The following SPOCK3 variants were observed in gnomAD, a reference collection of about 807,000 sequenced individuals.
SPOCK3 encodes testican-3.
A neutral mutation model predicts 56.6 loss-of-function variants in SPOCK3; 30 were observed. The observed-to-expected ratio is 0.53, with a 90% CI of 0.40 to 0.72. The LOEUF (loss-of-function observed/expected upper bound fraction) is 0.72, where lower values mean the gene tolerates loss of function less well. Ranked by LOEUF, SPOCK3 falls within the 30% of genes least tolerant of loss-of-function variation. The probability of loss-of-function intolerance (pLI) is 0.00; values close to 1 mark genes in which losing one functional copy is unlikely to be tolerated. For synonymous variants in SPOCK3, 196 were observed against 183.3 expected, an observed-to-expected ratio of 1.07 and a Z score of -0.56; for missense variants, 527 against 530.0, an observed-to-expected ratio of 0.99 and a Z score of 0.06.
chr4:167,001,379 A>C (rs536993586), intron 3 of SPOCK3, among the ~76,000 whole-genome samples: 1 of 152,314 alleles, frequency 6.6e-6, no homozygotes, highest in Non-Finnish European at 1.5e-5. Context: ...ATTGAATGTT[A>C]AAATTTGTGG....
intron 5 of SPOCK3, among the ~76,000 whole-genome samples, chr4:166,892,750 T>C (rs1451978565): frequency 6.6e-6 from 1 of 152,092 alleles, no homozygotes; most frequent in Non-Finnish European, 1.5e-5. Context: ...ATCACTTAAG[T>C]TACGAGTTCT....
At chr4:167,090,706 T>C (rs1157571747) in intron 2 of SPOCK3, among the ~76,000 whole-genome samples, 3 of 152,144 alleles carry the variant, frequency 2.0e-5, no homozygotes, top group Non-Finnish European at 4.4e-5. Context: ...TTTCTCCATG[T>C]TGGTCAGGCT....
At chr4:166,962,932 G>C (rs1426850292) in intron 4 of SPOCK3, among the ~76,000 whole-genome samples, 4 of 151,918 alleles carry the variant, frequency 2.6e-5, no homozygotes, top group Non-Finnish European at 5.9e-5. Context: ...ACCACAACAT[G>C]GTCAGTTCAA....
intron 2 of SPOCK3, among the ~76,000 whole-genome samples, chr4:167,114,794 A>G (rs1229807976): frequency 1.3e-5 from 2 of 152,090 alleles, no homozygotes; most frequent in Non-Finnish European, 2.9e-5. Flanking sequence ...GTGTTGTGGT[A>G]AGGTGCTATG....
At chr4:166,776,841 A>G (rs1356466229) in intron 7 of SPOCK3, among the ~76,000 whole-genome samples, 1 of 152,236 alleles carries the variant, frequency 6.6e-6, no homozygotes, top group African/African-American at 2.4e-5. Context: ...ATACATTAAC[A>G]TAAAGAAATC....
intron 2 of SPOCK3, among the ~76,000 whole-genome samples, chr4:167,209,334 T>A (rs1179303067): frequency 6.6e-6 from 1 of 152,098 alleles, no homozygotes; most frequent in Non-Finnish European, 1.5e-5. Flanking sequence ...TTAAACTAGG[T>A]TTTGATGGAT....
intron 2 of SPOCK3, among the ~76,000 whole-genome samples, chr4:167,150,796 T>G (rs1764349301): frequency 6.6e-6 from 1 of 152,208 alleles, no homozygotes; most frequent in Admixed American, 6.5e-5. Context: ...AGAGTTTTCC[T>G]AAGTAGTCTT....
Position 166,921,522 on chromosome 4 carries a change from T to C in SPOCK3, c.351-8779A>G, listed in dbSNP as rs192520954. ...TGTAGAGACAGGGGTTTCACCATGT[T>C]GGCCAGGATAGTCTCAATCTCTTGA... is the stretch of plus-strand genomic sequence containing the variant. On this transcript the variant is annotated intron_variant, in intron 4 of 10. Transcript: ENST00000357545. Among the ~76,000 whole-genome samples, 38 of 152,202 alleles carry C rather than the reference T, an allele frequency of 2.5e-4. No homozygotes were observed. In the East Asian group the frequency reaches 7.4e-3, roughly 29 times the overall value.
chr4:166,885,499 T>C (rs927139103), intron 6 of SPOCK3, among the ~76,000 whole-genome samples: 1 of 152,090 alleles, frequency 6.6e-6, no homozygotes, highest in African/African-American at 2.4e-5. Context: ...TTGCACTGTA[T>C]CCTCCTTGAA....
chr4:166,959,828 A>G (rs997683490), intron 4 of SPOCK3, among the ~76,000 whole-genome samples: 3 of 152,200 alleles, frequency 2.0e-5, no homozygotes, highest in African/African-American at 7.2e-5. Context: ...TATATGACAA[A>G]AGAATAAAGG....
chr4:167,059,606 G>A (rs1300929363), intron 3 of SPOCK3, among the ~76,000 whole-genome samples: 1 of 151,954 alleles, frequency 6.6e-6, no homozygotes, highest in Admixed American at 6.6e-5. Context: ...ATTCCTCAGG[G>A]ATCTAGAACT....
At chr4:166,764,272 T>C (rs886447452) in intron 7 of SPOCK3, among the ~76,000 whole-genome samples, 5 of 152,154 alleles carry the variant, frequency 3.3e-5, no homozygotes, top group African/African-American at 9.7e-5. Flanking sequence ...ACATGTACCA[T>C]GTTGGTGTGC....
intron 2 of SPOCK3, among the ~76,000 whole-genome samples, chr4:167,218,944 A>C (rs1735631622): frequency 6.6e-6 from 1 of 152,126 alleles, no homozygotes; most frequent in Admixed American, 6.6e-5. Context: ...GCACTTCCCT[A>C]GTTATCAGTG....
chr4:167,145,490 CTG>C (rs1178147517), intron 2 of SPOCK3, among the ~76,000 whole-genome samples: 3 of 151,944 alleles, frequency 2.0e-5, no homozygotes, highest in Admixed American at 2.0e-4. Context: ...ATGAGTAAGG[CTG>C]TGTGTCACCC....
At chr4:167,136,784 T>TAGAGGGA (rs1763156796) in intron 2 of SPOCK3, among the ~76,000 whole-genome samples, 2 of 152,066 alleles carry the variant, frequency 1.3e-5, no homozygotes, top group Non-Finnish European at 2.9e-5. Context: ...AGCAATGGAA[T>TAGAGGGA]GTATACAGAA....
At chr4:166,746,133 A>C (rs1286195947) in intron 8 of SPOCK3, among the ~76,000 whole-genome samples, 7 of 152,168 alleles carry the variant, frequency 4.6e-5, no homozygotes, top group Non-Finnish European at 1.0e-4. Flanking sequence ...TGCACCAAGC[A>C]GACTTAATAG....
intron 2 of SPOCK3, among the ~76,000 whole-genome samples, chr4:167,142,645 C>A (rs1763630759): frequency 6.6e-6 from 1 of 151,780 alleles, no homozygotes. Context: ...GAAAACCGAA[C>A]TAAAGTTTTA....
chr4:167,094,501 A>C (rs1758977571), intron 2 of SPOCK3, among the ~76,000 whole-genome samples: 1 of 152,042 alleles, frequency 6.6e-6, no homozygotes, highest in Non-Finnish European at 1.5e-5. Context: ...CCATATCAAA[A>C]AGTAAAGAGA....
At chr4:167,018,256 A>G (rs999993337) in intron 3 of SPOCK3, among the ~76,000 whole-genome samples, 5 of 152,068 alleles carry the variant, frequency 3.3e-5, no homozygotes, top group Non-Finnish European at 7.4e-5. Context: ...CTTGCACCTA[A>G]TATTTCCTTT....
Sources: gnomAD v4.1 joint callset for allele counts (sites outside exome capture counted in the v4.1 genomes callset) on GRCh38, gnomAD v4.1.1 for gene constraint, MANE v1.5 for transcripts, NCBI Gene and HGNC (gene_info 2026-07-23, HGNC 2026-07-21) for gene names.